Variants in IMMP2L observed in about 807,000 individuals in gnomAD.
IMMP2L encodes the protein mitochondrial inner membrane protease subunit 2.
A neutral mutation model predicts 19.3 loss-of-function variants in IMMP2L; 18 were observed. The ratio of observed to expected loss-of-function variants is 0.93; its 90% confidence interval spans 0.64 to 1.38. The LOEUF is 1.38. Among genes scored for constraint, IMMP2L ranks in the 40% most tolerant of loss-of-function variants. The probability of loss-of-function intolerance (pLI) is 0.00; values close to 1 mark genes in which losing one functional copy is unlikely to be tolerated. For missense variants in IMMP2L, 233 were observed against 218.2 expected, an observed-to-expected ratio of 1.07 and a Z score of -0.43; for synonymous variants, 76 against 73.0, an observed-to-expected ratio of 1.04 and a Z score of -0.21.
At chr7:110,752,116 A>G (rs996550344) in intron 5 of IMMP2L, among the ~76,000 whole-genome samples, 3 of 152,130 alleles carry the variant, frequency 2.0e-5, no homozygotes, top group African/African-American at 7.2e-5. Flanking sequence ...TAGAATTTTA[A>G]CCCAGGCTTT....
At chr7:110,756,724 G>A (rs934023148) in intron 5 of IMMP2L, among the ~76,000 whole-genome samples, 1 of 152,066 alleles carries the variant, frequency 6.6e-6, no homozygotes, top group Admixed American at 6.6e-5. Context: ...TACAGGACTT[G>A]TTTTGATTAC....
At chr7:111,406,032 C>T (rs1415367546) in intron 3 of IMMP2L, among the ~76,000 whole-genome samples, 1 of 151,964 alleles carries the variant, frequency 6.6e-6, no homozygotes. Context: ...AATGTATATC[C>T]TGAAAATTAC....
rs748581070 is a variant in IMMP2L at position 111,315,431 on chromosome 7, G to GA, written c.239+171806dup. On this transcript the variant is annotated intron_variant, in intron 3 of 5. Coordinates refer to ENST00000405709, the MANE Select transcript of IMMP2L (RefSeq NM_032549.4). ...AGTCCCTTAATGGCAGGAAATGACT[G>GA]AAAAAAAAAACAAATAAATAAAGTG... Among the ~76,000 whole-genome samples, 469 of 142,868 alleles carry GA rather than the reference G, an allele frequency of 3.3e-3. 3 individuals are homozygous for GA. Among genetic ancestry groups the GA allele is most frequent in the East Asian group, 0.012 (59 of 4,862 alleles). The allele number at this position is 142,868 out of a possible 152,430, so 93.7% of individuals were successfully genotyped here. A position where few individuals can be genotyped will look rare whatever the true frequency, so the allele number is the denominator to read the frequency against.
intron 3 of IMMP2L, among the ~76,000 whole-genome samples, chr7:110,974,361 G>A (rs1820473834): frequency 1.3e-5 from 2 of 151,990 alleles, no homozygotes; most frequent in Admixed American, 1.3e-4. Context: ...TGGGTTTGTA[G>A]GCAATGGCAC....
chr7:111,200,369 T>C (rs1257709358), intron 3 of IMMP2L, among the ~76,000 whole-genome samples: 1 of 152,160 alleles, frequency 6.6e-6, no homozygotes, highest in East Asian at 1.9e-4. Flanking sequence ...AATCTCTTTA[T>C]TACATCTAGT....
At chr7:111,535,882 C>A (rs1193629010) in intron 1 of IMMP2L, among the ~76,000 whole-genome samples, 1 of 152,060 alleles carries the variant, frequency 6.6e-6, no homozygotes. Flanking sequence ...GTACTCAATT[C>A]TTAGGGTCTA....
intron 2 of IMMP2L, among the ~76,000 whole-genome samples, chr7:111,505,458 G>C (rs1844788312): frequency 6.6e-6 from 1 of 152,056 alleles, no homozygotes; most frequent in African/African-American, 2.4e-5. Flanking sequence ...ATTTGACCCA[G>C]CCATCCCATT....
chr7:110,682,496 C>T lies in IMMP2L; in HGVS notation c.409-18775G>A, dbSNP rs538443351. Reference sequence around the variant, plus strand: ...CAGTTGATTAGATGAATAAATGAAACTGGAGAAAATGTAGATTGGACACAA... The same window carrying T: ...CAGTTGATTAGATGAATAAATGAAATTGGAGAAAATGTAGATTGGACACAA... On this transcript the variant is annotated intron_variant, in intron 5 of 5. Coordinates refer to ENST00000405709, the MANE Select transcript of IMMP2L (RefSeq NM_032549.4). 3.3e-5 allele frequency among the ~76,000 whole-genome samples: 5 copies of T among 152,076 alleles called. No individual in the cohort carries two copies. The South Asian group carries it at 1.0e-3, about 32-fold the overall frequency.
intron 5 of IMMP2L, among the ~76,000 whole-genome samples, chr7:110,784,032 A>C (rs907363159): frequency 2.0e-5 from 3 of 151,930 alleles, no homozygotes; most frequent in African/African-American, 7.2e-5. Context: ...TTTCTTCAGA[A>C]GGACCTTAGT....
At chr7:110,839,964 T>C (rs1189194309) in intron 5 of IMMP2L, among the ~76,000 whole-genome samples, 1 of 152,106 alleles carries the variant, frequency 6.6e-6, no homozygotes, top group Non-Finnish European at 1.5e-5. Context: ...GATGAGTCTT[T>C]GATGGGCTAC....
At chr7:111,103,291 C>T (rs140771310) in intron 3 of IMMP2L, among the ~76,000 whole-genome samples, 6 of 151,650 alleles carry the variant, frequency 4.0e-5, no homozygotes, top group East Asian at 3.9e-4. Flanking sequence ...AACAAGCATA[C>T]ACGTATACAT....
chr7:111,303,504 A>T (rs2396321), intron 3 of IMMP2L, among the ~76,000 whole-genome samples: 117,784 of 151,974 alleles, frequency 0.78, 47,437 homozygotes, highest in East Asian at 0.97. Flanking sequence ...TTGGGATTTG[A>T]TTTCTATGAT....
intron 3 of IMMP2L, among the ~76,000 whole-genome samples, chr7:111,252,780 A>G (rs1033747110): frequency 1.3e-5 from 2 of 152,168 alleles, no homozygotes; most frequent in Admixed American, 1.3e-4. Context: ...AGAGGCATGA[A>G]CTTGATTTTC....
chr7:110,684,350 T>C (rs1163807531), intron 5 of IMMP2L, among the ~76,000 whole-genome samples: 2 of 152,128 alleles, frequency 1.3e-5, no homozygotes, highest in Non-Finnish European at 2.9e-5. Flanking sequence ...ATTTTAATGG[T>C]AGCCTAAGGC....
At chr7:110,800,486 G>C (rs1801168300) in intron 5 of IMMP2L, among the ~76,000 whole-genome samples, 1 of 151,964 alleles carries the variant, frequency 6.6e-6, no homozygotes, top group African/African-American at 2.4e-5. Context: ...ACAACAAAAG[G>C]ATCACATCAA....
intron 3 of IMMP2L, among the ~76,000 whole-genome samples, chr7:111,478,631 A>T (rs1841923187): frequency 1.3e-5 from 2 of 151,868 alleles, no homozygotes; most frequent in Admixed American, 1.3e-4. Context: ...TTGCTATGTC[A>T]CCCAGGCTGG....
intron 3 of IMMP2L, among the ~76,000 whole-genome samples, chr7:111,239,193 T>G (rs567241276): frequency 6.6e-6 from 1 of 151,932 alleles, no homozygotes; most frequent in African/African-American, 2.4e-5. Flanking sequence ...TTAGTTAATT[T>G]GTTATCCAAA....
intron 3 of IMMP2L, among the ~76,000 whole-genome samples, chr7:111,086,944 C>T (rs897458587): frequency 3.3e-5 from 5 of 152,190 alleles, no homozygotes; most frequent in African/African-American, 9.6e-5. Context: ...TTGTTGCTGA[C>T]TATATTGCAT....
chr7:110,905,742 T>C (rs1480290920), intron 4 of IMMP2L, among the ~76,000 whole-genome samples: 1 of 152,186 alleles, frequency 6.6e-6, no homozygotes, highest in Non-Finnish European at 1.5e-5. Context: ...CCTCAACAAT[T>C]AGAAATCCTC....
Sources: allele counts gnomAD v4.1 joint callset (sites outside exome capture counted in the v4.1 genomes callset), GRCh38; gene constraint gnomAD v4.1.1; transcripts MANE v1.5; gene names NCBI Gene and HGNC (gene_info 2026-07-23, HGNC 2026-07-21).